BRD4: variants seen among roughly 807,000 people sequenced by gnomAD.
The protein encoded by BRD4 is bromodomain-containing protein 4.
A neutral mutation model predicts 142.1 loss-of-function variants in BRD4; 16 were observed. The ratio of observed to expected loss-of-function variants is 0.11; its 90% CI spans 0.08 to 0.17. The LOEUF is 0.17. Ranked by LOEUF, BRD4 falls within the 10% of genes least tolerant of loss-of-function variation. BRD4 has a pLI of 1.00. For missense variants in BRD4, 1,424 were observed against 1,810.9 expected, an observed-to-expected ratio of 0.79 and a Z score of 3.88; for synonymous variants, 833 against 707.5, an observed-to-expected ratio of 1.18 and a Z score of -2.82.
intron 14 of BRD4, among the ~76,000 whole-genome samples, chr19:15,241,770 G>A (rs1428470905): frequency 1.3e-5 from 2 of 151,674 alleles, no homozygotes; most frequent in Non-Finnish European, 2.9e-5. Flanking sequence ...GCTTGTTCTT[G>A]GCTCAGGGCA....
chr19:15,241,676 G>A (rs963213884), intron 14 of BRD4, among the ~76,000 whole-genome samples: 1 of 152,178 alleles, frequency 6.6e-6, no homozygotes, highest in African/African-American at 2.4e-5. Flanking sequence ...CCCCCAACAG[G>A]AGTCCAGCCC....
chr19:15,255,965 C>T (rs753112466), intron 9 of BRD4, 99 bp downstream of exon 9: 126 of 1,487,854 alleles, frequency 8.5e-5, no homozygotes, highest in Non-Finnish European at 1.0e-4. Context: ...GGGCAGCCTC[C>T]GCACCCAATG....
intron 11 of BRD4, among the ~76,000 whole-genome samples, chr19:15,252,032 G>T (rs1042439230): frequency 6.6e-6 from 1 of 152,218 alleles, no homozygotes; most frequent in African/African-American, 2.4e-5. Flanking sequence ...AGGACTCTCA[G>T]ATTACTTGTT....
chr19:15,328,499 TAA>T (rs1376898297), intron 1 of BRD4, among the ~76,000 whole-genome samples: 1 of 152,212 alleles, frequency 6.6e-6, no homozygotes, highest in Non-Finnish European at 1.5e-5. Context: ...CTCGGACTAA[TAA>T]GTTTACTACA....
chr19:15,253,924 G>A, intron 11 of BRD4: 1 of 775,440 alleles, frequency 1.3e-6, no homozygotes, highest in Non-Finnish European at 2.0e-6. Flanking sequence ...CCAGACCCTG[G>A]CAGGGAGAGC....
intron 1 of BRD4, among the ~76,000 whole-genome samples, chr19:15,309,156 A>G (rs1197646719): frequency 6.6e-6 from 1 of 151,492 alleles, no homozygotes; most frequent in Non-Finnish European, 1.5e-5. Flanking sequence ...ACACGGCGAA[A>G]CCCCATCTCT....
At chr19:15,251,358 C>T (rs531331121) in intron 11 of BRD4, among the ~76,000 whole-genome samples, 14 of 143,094 alleles carry the variant, frequency 9.8e-5, no homozygotes, top group Non-Finnish European at 1.8e-4. Context: ...CCGTTGTCAG[C>T]GGAACTAACC....
In BRD4 at chr19:15,324,888, A is replaced by G. The variant is rs2048094229; in HGVS notation, c.-35+7402T>C. ...CTCTTAATCTCATTATCAGATAAAA[A>G]CAAACACAATCCCTCTTTCAAGCAC... On this transcript the variant is annotated intron_variant, in intron 1 of 19. Coordinates refer to ENST00000679869, the MANE Select transcript of BRD4 (RefSeq NM_001379291.1). 2.0e-5 allele frequency among the ~76,000 whole-genome samples: 3 copies of G among 152,172 alleles called. 1 individual carries two copies. The South Asian group carries it at 6.2e-4, about 32-fold the overall frequency.
chr19:15,277,365 A>G (rs892276768), intron 1 of BRD4, among the ~76,000 whole-genome samples: 4 of 152,200 alleles, frequency 2.6e-5, no homozygotes, highest in Non-Finnish European at 4.4e-5. Flanking sequence ...TGGGGATGTC[A>G]TGGTAAACTC....
At chr19:15,289,216 T>A (rs961961063) in intron 1 of BRD4, among the ~76,000 whole-genome samples, 15 of 152,136 alleles carry the variant, frequency 9.9e-5, no homozygotes, top group African/African-American at 2.7e-4. Flanking sequence ...CCACGACCTT[T>A]CCAAATGATT....
chr19:15,328,409 C>G (rs998090285), intron 1 of BRD4, among the ~76,000 whole-genome samples: 4 of 152,150 alleles, frequency 2.6e-5, no homozygotes, highest in Non-Finnish European at 4.4e-5. Context: ...TGAACCACAG[C>G]GCAAAGCCAC....
chr19:15,292,830 A>G, intron 1 of BRD4, among the ~76,000 whole-genome samples: 1 of 150,618 alleles, frequency 6.6e-6, no homozygotes, highest in African/African-American at 2.4e-5. Context: ...GAAAGAAAGA[A>G]AAGAAAAGCC....
chr19:15,302,156 G>C (rs1317021105), intron 1 of BRD4, among the ~76,000 whole-genome samples: 4 of 150,922 alleles, frequency 2.7e-5, no homozygotes, highest in African/African-American at 9.8e-5. Context: ...GACAGAGTGG[G>C]ACTTCATCTC....
chr19:15,318,888 C>T (rs1375525588), intron 1 of BRD4, among the ~76,000 whole-genome samples: 2 of 152,240 alleles, frequency 1.3e-5, no homozygotes, highest in African/African-American at 4.8e-5. Flanking sequence ...AAGTTGGGGG[C>T]ACAGGGGCCC....
Position 15,264,717 on chromosome 19 carries a change from A to G in BRD4, c.899T>C (p.Ile300Thr), listed in dbSNP as rs202135404. The G allele has an allele frequency of 9.3e-6, 15 of 1,612,528 alleles. No homozygotes were observed. The highest frequency in any genetic ancestry group is 2.0e-4 in the Middle Eastern group (1 of 5,110). Reference protein sequence around the residue: ...RKADTTTPTTIDPIHEPPSLP... With the variant: ...RKADTTTPTTTDPIHEPPSLP... ...CGAGGGTGGCTCGTGAATGGGGTCA[A>G]TGGTGGTGGGGGTGGTGGTGTCTGC... Residue 300 changes from isoleucine to threonine, a missense_variant, in exon 6 of 20, where the codon ATT (isoleucine) becomes ACT (threonine). Ile to Thr is a moderately conservative substitution (Grantham distance 89). Around this residue, in one of 16 missense-constraint regions of BRD4, gnomAD observed 86 missense variants for 79.9 expected, o/e 1.08. Coordinates refer to ENST00000679869, the MANE Select transcript of BRD4 (RefSeq NM_001379291.1).
intron 11 of BRD4, among the ~76,000 whole-genome samples, chr19:15,251,004 G>A (rs1205097073): frequency 6.6e-6 from 1 of 152,152 alleles, no homozygotes; most frequent in Non-Finnish European, 1.5e-5. Context: ...GGCTTTAGCT[G>A]GAATCACAGC....
chr19:15,319,833 G>A (rs2048046331), intron 1 of BRD4, among the ~76,000 whole-genome samples: 1 of 152,098 alleles, frequency 6.6e-6, no homozygotes, highest in Admixed American at 6.6e-5. Context: ...TACTTAGGAA[G>A]CTGAGGTGGG....
intron 11 of BRD4, chr19:15,248,881 G>A (rs2047315539): frequency 6.2e-6 from 2 of 322,190 alleles, no homozygotes; most frequent in Non-Finnish European, 1.2e-5. Context: ...CCCAGAAAAA[G>A]AGGGATGGGA....
intron 1 of BRD4, among the ~76,000 whole-genome samples, chr19:15,324,727 G>A (rs2048093173): frequency 6.6e-6 from 1 of 152,186 alleles, no homozygotes; most frequent in Non-Finnish European, 1.5e-5. Context: ...TTCATAAGAT[G>A]GGTAAGTTAC....
Sources: allele counts gnomAD v4.1 joint callset (sites outside exome capture counted in the v4.1 genomes callset), GRCh38; gene constraint gnomAD v4.1.1; regional missense constraint gnomAD v4.1.1; transcripts MANE v1.5; gene names NCBI Gene and HGNC (gene_info 2026-07-23, HGNC 2026-07-21).